The following ADGRL2 variants were observed in gnomAD, a reference collection of about 807,000 sequenced individuals.
ADGRL2 encodes the protein adhesion G protein-coupled receptor L2.
ADGRL2 carries 44 observed loss-of-function variants against 157.4 expected under a neutral mutation model. The ratio of observed to expected loss-of-function variants is 0.28; its 90% CI spans 0.22 to 0.36. The LOEUF (loss-of-function observed/expected upper bound fraction) is 0.36, where lower values mean the gene tolerates loss of function less well. Among genes scored for constraint, ADGRL2 ranks in the 10% least tolerant of loss-of-function variants. ADGRL2 has a pLI of 1.00. For missense variants in ADGRL2, 1,510 were observed against 1,768.9 expected (o/e 0.85, Z 2.63); for synonymous variants, 585 against 624.7 (o/e 0.94, Z 0.95).
At chr1:81,972,465 G>A (rs925960159) in intron 17 of ADGRL2, among the ~76,000 whole-genome samples, 2 of 152,094 alleles carry the variant, frequency 1.3e-5, no homozygotes. Flanking sequence ...GAATATACTA[G>A]TTTAAGAAAT....
At position 81,921,564 on chromosome 1, in the gene ADGRL2, C is replaced by T. The variant is rs926024720; in HGVS notation, c.287+14334C>T. On this transcript the variant is annotated intron_variant, in intron 3 of 23. Transcript: ENST00000686636. ...ACAACATTTGCTGCTTCACAGCACA[C>T]GGCCCTCCACTCCCAAGCCTGCACA... Among the ~76,000 whole-genome samples, 6 of 152,290 alleles carry T rather than the reference C, an allele frequency of 3.9e-5. No individual in the cohort carries two copies. The South Asian group carries it at 6.2e-4, about 16-fold the overall frequency.
At chr1:81,580,587 T>A (rs2080887464) in intron 2 of ADGRL2, among the ~76,000 whole-genome samples, 1 of 152,004 alleles carries the variant, frequency 6.6e-6, no homozygotes, top group Non-Finnish European at 1.5e-5. Context: ...TAAAGGAGTA[T>A]CACTCACTAT....
At chr1:81,321,200 G>A (rs965624299) in intron 1 of ADGRL2, among the ~76,000 whole-genome samples, 26 of 152,294 alleles carry the variant, frequency 1.7e-4, no homozygotes, top group Middle Eastern at 6.8e-3. Context: ...AGAGAGTTAA[G>A]GCCTTGCTAT....
At chr1:81,954,772 A>T (rs536902573) in intron 10 of ADGRL2, among the ~76,000 whole-genome samples, 1 of 152,334 alleles carries the variant, frequency 6.6e-6, no homozygotes, top group South Asian at 2.1e-4. Context: ...GGATATTAAG[A>T]TGGATTAAGC....
At chr1:81,484,044 A>T (rs2078447461) in intron 2 of ADGRL2, among the ~76,000 whole-genome samples, 1 of 151,972 alleles carries the variant, frequency 6.6e-6, no homozygotes, top group Non-Finnish European at 1.5e-5. Context: ...AGTCTTCATT[A>T]TAAAGAGACC....
intron 2 of ADGRL2, among the ~76,000 whole-genome samples, chr1:81,533,931 TAAA>T (rs933572908): frequency 2.6e-5 from 4 of 152,000 alleles, no homozygotes; most frequent in Admixed American, 6.6e-5. Context: ...AAATAGAACA[TAAA>T]GAAGGAAAGC....
chr1:81,675,572 GTTT>G (rs3045497), intron 3 of ADGRL2, among the ~76,000 whole-genome samples: 126 of 143,486 alleles, frequency 8.8e-4, no homozygotes, highest in Admixed American at 5.3e-3. Flanking sequence ...AAAATAAACT[GTTT>G]TTTTTTTTTT....
rs547396769 is a variant in ADGRL2, at chr1:81,654,864, T to C, written c.-143+73884T>C. On this transcript the variant is annotated intron_variant, in intron 3 of 24. Transcript: ENST00000370721. The stretch of plus-strand genomic sequence containing the variant: ...ACCAGTGCTATGACAAGTGATTTGT[T>C]GGACAGGTCTGTCCGTTAATCTCTC... Among the ~76,000 whole-genome samples, 4 of 152,356 alleles carry C rather than the reference T, an allele frequency of 2.6e-5. No homozygotes were observed. In the South Asian group the frequency reaches 8.3e-4, roughly 32 times the overall value.
At chr1:81,542,145 C>T (rs1170834789) in intron 2 of ADGRL2, among the ~76,000 whole-genome samples, 1 of 152,162 alleles carries the variant, frequency 6.6e-6, no homozygotes, top group African/African-American at 2.4e-5. Context: ...ATGCCCATGG[C>T]CTAGGGTTCT....
intron 2 of ADGRL2, among the ~76,000 whole-genome samples, chr1:81,446,258 A>G (rs1422879772): frequency 6.6e-6 from 1 of 152,204 alleles, no homozygotes; most frequent in Admixed American, 6.5e-5. Context: ...TGGAGAATCA[A>G]TTACAAGGCT....
At chr1:81,885,413 C>T (rs184409862) in intron 2 of ADGRL2, among the ~76,000 whole-genome samples, 1 of 152,176 alleles carries the variant, frequency 6.6e-6, no homozygotes, top group Non-Finnish European at 1.5e-5. Context: ...GTAAAAACTT[C>T]CCATAAACAC....
At chr1:81,710,227 A>G (rs952865392) in intron 1 of ADGRL2, among the ~76,000 whole-genome samples, 1 of 152,184 alleles carries the variant, frequency 6.6e-6, no homozygotes, top group Non-Finnish European at 1.5e-5. Flanking sequence ...CACGAGTCTC[A>G]GGTACTCTGG....
chr1:81,463,770 GT>G (rs1173597652), intron 2 of ADGRL2, among the ~76,000 whole-genome samples: 4 of 152,188 alleles, frequency 2.6e-5, no homozygotes, highest in African/African-American at 9.7e-5. Flanking sequence ...TCAAGGCTGG[GT>G]CAGGAGATTG....
At chr1:81,477,039 A>G (rs1295548649) in intron 2 of ADGRL2, among the ~76,000 whole-genome samples, 1 of 152,228 alleles carries the variant, frequency 6.6e-6, no homozygotes, top group African/African-American at 2.4e-5. Flanking sequence ...AATAAAACTT[A>G]TCCTCTCTGT....
At chr1:81,682,103 ATG>A (rs57943530) in intron 3 of ADGRL2, among the ~76,000 whole-genome samples, 39,298 of 147,876 alleles carry the variant, frequency 0.27, 5,475 homozygotes, top group South Asian at 0.34. Flanking sequence ...ATACATATAT[ATG>A]TGTGTGTGTG....
At chr1:81,379,915 G>A (rs905488412) in intron 1 of ADGRL2, among the ~76,000 whole-genome samples, 1 of 152,166 alleles carries the variant, frequency 6.6e-6, no homozygotes, top group South Asian at 2.1e-4. Context: ...CTAGGTCCGT[G>A]GGGGTAGAGC....
At chr1:81,642,558 C>T (rs564376445) in intron 3 of ADGRL2, among the ~76,000 whole-genome samples, 1 of 152,036 alleles carries the variant, frequency 6.6e-6, no homozygotes. Context: ...CCTTCCAAAA[C>T]TGAAAGCACC....
chr1:81,949,615 C>T (rs572982697), intron 6 of ADGRL2, among the ~76,000 whole-genome samples: 3 of 152,274 alleles, frequency 2.0e-5, no homozygotes, highest in Admixed American at 2.0e-4. Context: ...ACAGCGCAAG[C>T]ATGCCAAGCT....
intron 1 of ADGRL2, among the ~76,000 whole-genome samples, chr1:81,433,641 T>G (rs1372795998): frequency 2.0e-5 from 3 of 152,248 alleles, no homozygotes; most frequent in African/African-American, 7.2e-5. Context: ...TATTTAACCC[T>G]TCTTTCCCTT....
Sources: allele counts gnomAD v4.1 joint callset (sites outside exome capture counted in the v4.1 genomes callset), GRCh38; gene constraint gnomAD v4.1.1; transcripts MANE v1.5; gene names NCBI Gene and HGNC (gene_info 2026-07-23, HGNC 2026-07-21).